The following BRSK2 variants were observed in gnomAD, a reference collection of about 807,000 sequenced individuals.
BRSK2 encodes serine/threonine-protein kinase BRSK2.
In BRSK2, 19 loss-of-function variants were observed where a neutral mutation model predicts 83.3. The ratio of observed to expected loss-of-function variants is 0.23; its 90% CI spans 0.16 to 0.33. BRSK2 has a LOEUF of 0.33. BRSK2 is among the 10% of genes least tolerant of loss of function. The pLI is 1.00. For missense variants in BRSK2, 798 were observed against 1,042.3 expected (o/e 0.77, Z 3.23); for synonymous variants, 519 against 435.4 (o/e 1.19, Z -2.39).
intron 1 of BRSK2, among the ~76,000 whole-genome samples, chr11:1,427,007 G>C (rs554404341): frequency 3.9e-5 from 6 of 152,246 alleles, no homozygotes; most frequent in Admixed American, 1.3e-4. Flanking sequence ...TGAGGGGGCT[G>C]CGCGGGGTCC....
At chr11:1,441,023 CT>C in intron 4 of BRSK2, 95 bp downstream of exon 4, 2 of 1,087,446 alleles carry the variant, frequency 1.8e-6, no homozygotes, top group Non-Finnish European at 2.6e-6. Flanking sequence ...ACTACACCCC[CT>C]ATGGTGCTAT....
Position 1,450,626 on chromosome 11 carries a change from AC to A in BRSK2, c.1332del (p.Lys445ArgfsTer64). On this transcript the variant is annotated frameshift_variant, in exon 14 of 20. Transcript: ENST00000528841. LOFTEE classifies it high-confidence loss of function. ...HPSPRGSPLPTPKGTPVHTPK... is the reference protein window; with the variant it reads ...HPSPRGSPLPXPKGTPVHTPK... ...CTCACCAAGGGGCAGTCCCCTCCCC[AC>A]CCCCAAGGGGACACCTGTCCACACG... The A allele has an allele frequency of 6.3e-7, 1 of 1,594,612 alleles. No individual in the cohort carries two copies. Among genetic ancestry groups the A allele is most frequent in the Non-Finnish European group, 8.5e-7 (1 of 1,173,286 alleles).
chr11:1,454,158 G>GGGGGGGCTCGCCTGT lies in BRSK2; in HGVS notation c.1545-318_1545-317insGCCTGTGGGGGGCTC. Reference sequence around the variant, plus strand: ...CCACCTCTCACAGCGGCCTTGGTGAGGGGGGGCTCACCTGTGGGGGGCTCA... The same window carrying GGGGGGGCTCGCCTGT: ...CCACCTCTCACAGCGGCCTTGGTGAGGGGGGGCTCGCCTGTGGGGGGCTCACCTGTGGGGGGCTCA... On this transcript the variant is annotated intron_variant, in intron 15 of 19. Transcript: ENST00000528841. This position sits in a 1 kb window ranked among gnomAD's most constrained non-coding sequence, Gnocchi z 5.2. 1 of 177,728 alleles carries GGGGGGGCTCGCCTGT rather than the reference G, an allele frequency of 5.6e-6. No homozygotes were observed. Among genetic ancestry groups the GGGGGGGCTCGCCTGT allele is most frequent in the Admixed American group, 6.1e-5 (1 of 16,498 alleles). The allele number at this position is 177,728 out of a possible 1,614,324, so 11.0% of individuals were successfully genotyped here.
At chr11:1,398,034 A>G (rs1035508853) in intron 1 of BRSK2, among the ~76,000 whole-genome samples, 4 of 152,146 alleles carry the variant, frequency 2.6e-5, no homozygotes, top group African/African-American at 9.7e-5. Context: ...GATCCCCGTG[A>G]TACAGCGGGG....
chr11:1,408,499 C>T (rs1230397378), intron 1 of BRSK2, among the ~76,000 whole-genome samples: 1 of 152,162 alleles, frequency 6.6e-6, no homozygotes, highest in African/African-American at 2.4e-5. Context: ...GCCTGTGCCA[C>T]GTCCCCCCAT....
At chr11:1,391,514 A>T (rs964521134) in intron 1 of BRSK2, among the ~76,000 whole-genome samples, 1 of 152,156 alleles carries the variant, frequency 6.6e-6, no homozygotes, top group Admixed American at 6.5e-5. Context: ...GCAGAGCTGC[A>T]GGAAGGGGTT....
intron 1 of BRSK2, among the ~76,000 whole-genome samples, chr11:1,419,369 C>A (rs1007341868): frequency 3.3e-5 from 5 of 152,222 alleles, no homozygotes; most frequent in African/African-American, 1.2e-4. Flanking sequence ...CGCTGGCTGC[C>A]CGGGCAGCTC....
chr11:1,459,426 G>T, intron 19 of BRSK2, 187 bp downstream of exon 19: 1 of 645,320 alleles, frequency 1.5e-6, no homozygotes, highest in East Asian at 2.8e-5. Flanking sequence ...CCCTACCACA[G>T]CAAGCCCAGG....
At chr11:1,416,625 G>T (rs932162349) in intron 1 of BRSK2, among the ~76,000 whole-genome samples, 8 of 152,206 alleles carry the variant, frequency 5.3e-5, no homozygotes, top group African/African-American at 1.7e-4. Context: ...GTGCTTAGCA[G>T]GTGCTACACC....
chr11:1,404,222 A>G (rs1330307191), intron 1 of BRSK2, among the ~76,000 whole-genome samples: 3 of 152,080 alleles, frequency 2.0e-5, no homozygotes, highest in South Asian at 2.1e-4. Context: ...GCTGCCCGCA[A>G]TCTGGGTGCG....
intron 3 of BRSK2, among the ~76,000 whole-genome samples, chr11:1,439,038 G>A (rs567810788): frequency 2.6e-4 from 40 of 152,300 alleles, no homozygotes; most frequent in African/African-American, 8.4e-4. Context: ...CAGATGAGGC[G>A]CTGCTGCCCA....
chr11:1,450,000 C>T (rs1845611210), intron 13 of BRSK2, among the ~76,000 whole-genome samples, 164 bp downstream of exon 13: 1 of 152,196 alleles, frequency 6.6e-6, no homozygotes, highest in Non-Finnish European at 1.5e-5. Context: ...GCGCAGGCTG[C>T]TCTGCTAACT....
At chr11:1,450,536 C>A (rs776498896) in intron 13 of BRSK2, 51 bp from the exon 14 acceptor site, 5 of 953,910 alleles carry the variant, frequency 5.2e-6, no homozygotes, top group Non-Finnish European at 6.3e-6. Flanking sequence ...GCCCCCCCGG[C>A]CCCCACCCGC....
At chr11:1,398,544 T>G (rs1266403937) in intron 1 of BRSK2, among the ~76,000 whole-genome samples, 2 of 152,122 alleles carry the variant, frequency 1.3e-5, no homozygotes, top group African/African-American at 4.8e-5. Context: ...GGTGGCCAGA[T>G]GGGGGCTCAT....
chr11:1,433,810 G>A (rs887582017), intron 1 of BRSK2, among the ~76,000 whole-genome samples: 8 of 152,198 alleles, frequency 5.3e-5, no homozygotes, highest in South Asian at 2.1e-4. Flanking sequence ...ACACCCTGCC[G>A]AGGCCACCCC....
At chr11:1,456,190 A>G (rs936140304) in intron 16 of BRSK2, among the ~76,000 whole-genome samples, 158 bp from the exon 17 acceptor site, 1 of 152,126 alleles carries the variant, frequency 6.6e-6, no homozygotes, top group African/African-American at 2.4e-5. Flanking sequence ...CCCCTGCTCC[A>G]GCCGTCTCCA....
intron 1 of BRSK2, chr11:1,411,399 C>G: frequency 6.8e-7 from 1 of 1,462,314 alleles, no homozygotes; most frequent in South Asian, 1.4e-5. Flanking sequence ...GCACCAGCCT[C>G]ACCCCATGAG....
In BRSK2 at chr11:1,459,188, C is replaced by G; in HGVS notation, c.1940-4C>G. The stretch of plus-strand genomic sequence containing the variant: ...CTCCCTCCTCTCTCCATTCTGTACT[C>G]CAGACACCACTAACTGTATGGAAAT... On this transcript the variant is annotated splice_polypyrimidine_tract_variant and splice_region_variant and intron_variant, in intron 18 of 19. Coordinates refer to ENST00000528841, the MANE Select transcript of BRSK2 (RefSeq NM_001256627.2). 1.2e-6 allele frequency: 2 copies of G among 1,613,810 alleles called. No homozygotes were observed. The highest frequency in any genetic ancestry group is 1.1e-5 in the South Asian group (1 of 91,080).
chr11:1,408,312 T>C (rs1847056245), intron 1 of BRSK2, among the ~76,000 whole-genome samples: 1 of 152,188 alleles, frequency 6.6e-6, no homozygotes, highest in Non-Finnish European at 1.5e-5. Context: ...CTCCTGCTGA[T>C]CCTCTCATAG....
Sources: gnomAD v4.1 joint callset for allele counts (sites outside exome capture counted in the v4.1 genomes callset) on GRCh38, gnomAD v4.1.1 for gene constraint, Gnocchi (gnomAD v3.1) non-coding constraint, MANE v1.5 for transcripts, NCBI Gene and HGNC (gene_info 2026-07-23, HGNC 2026-07-21) for gene names.